The following PTPRM variants were observed in gnomAD, a reference collection of about 807,000 sequenced individuals.
PTPRM encodes the protein receptor-type tyrosine-protein phosphatase mu.
A neutral mutation model predicts 186.7 loss-of-function variants in PTPRM; 47 were observed. That is an observed-to-expected ratio of 0.25 (90% CI 0.20 to 0.32). The LOEUF (loss-of-function observed/expected upper bound fraction) is 0.32. Among genes scored for constraint, PTPRM ranks in the 10% least tolerant of loss-of-function variants. The pLI is 1.00. For synonymous variants in PTPRM, 668 were observed against 674.9 expected, an observed-to-expected ratio of 0.99 and a Z score of 0.16; for missense variants, 1,494 against 1,865.0, an observed-to-expected ratio of 0.80 and a Z score of 3.66.
At chr18:8,211,939 T>C (rs1383759895) in intron 14 of PTPRM, among the ~76,000 whole-genome samples, 1 of 150,842 alleles carries the variant, frequency 6.6e-6, no homozygotes, top group Non-Finnish European at 1.5e-5. Context: ...CAGAGGGGAG[T>C]GGACTCGGTG....
At chr18:8,394,444 C>A in intron 31 of PTPRM, 32 bp from the exon 32 acceptor site, 1 of 1,590,196 alleles carries the variant, frequency 6.3e-7, no homozygotes, top group Non-Finnish European at 8.6e-7. Flanking sequence ...AAAGACAGAC[C>A]GAGTGCAGTC....
Position 7,774,257 on chromosome 18 carries a change from C to T in PTPRM, c.182C>T (p.Pro61Leu). The T allele has an allele frequency of 1.9e-6, 3 of 1,613,932 alleles. No individual in the cohort carries two copies. Among genetic ancestry groups the T allele is most frequent in the Non-Finnish European group, 2.5e-6 (3 of 1,179,916 alleles). The change falls in exon 2 of 33, where the codon CCA (proline) becomes CTA (leucine). Residue 61 changes from proline to leucine, a missense_variant. Physicochemically the swap from Pro to Leu is moderately conservative, Grantham distance 98. This residue lies in a region of PTPRM where 296 missense variants were observed against 345.5 expected (regional missense o/e 0.86). Transcript: ENST00000580170. ...VNTLTKPTSD[P>L]WMPSGSFMLV... ...ACCTTGACTAAACCGACTTCTGATC[C>T]ATGGATGCCATCAGGTTTGCTTTTA...
intron 14 of PTPRM, among the ~76,000 whole-genome samples, chr18:8,145,258 G>A (rs2092854684): frequency 6.6e-6 from 1 of 152,152 alleles, no homozygotes; most frequent in Non-Finnish European, 1.5e-5. Flanking sequence ...CCAAAATGTG[G>A]AACATAGGAA....
intron 14 of PTPRM, among the ~76,000 whole-genome samples, chr18:8,171,107 T>G (rs1377847973): frequency 6.6e-6 from 1 of 152,194 alleles, no homozygotes; most frequent in Non-Finnish European, 1.5e-5. Context: ...CAAGGAAAGA[T>G]TCTACATTAG....
intron 19 of PTPRM, among the ~76,000 whole-genome samples, chr18:8,256,560 C>T (rs917283944): frequency 5.3e-5 from 8 of 152,266 alleles, no homozygotes; most frequent in South Asian, 2.1e-4. Flanking sequence ...AGGGAAACTT[C>T]GTTATACTGA....
chr18:7,785,155 C>T (rs1206854809), intron 2 of PTPRM, among the ~76,000 whole-genome samples: 4 of 151,880 alleles, frequency 2.6e-5, no homozygotes, highest in South Asian at 2.1e-4. Context: ...CAGACATAGG[C>T]GATGAGCTGG....
At chr18:7,650,417 T>G (rs2038669505) in intron 1 of PTPRM, among the ~76,000 whole-genome samples, 1 of 145,238 alleles carries the variant, frequency 6.9e-6, no homozygotes, top group Admixed American at 7.0e-5. Context: ...ATTATATCCC[T>G]CTTGGAAACA....
intron 14 of PTPRM, among the ~76,000 whole-genome samples, chr18:8,231,932 A>G (rs1212059401): frequency 6.6e-6 from 1 of 152,124 alleles, no homozygotes; most frequent in East Asian, 1.9e-4. Context: ...ATTATCACCA[A>G]AGGCTGTAGT....
Position 8,077,784 on chromosome 18 carries a change from G to A in PTPRM, c.1551+1220G>A, listed in dbSNP as rs1376192973. ...ATCAACTTTAATTTCCAAGCCGTAA[G>A]TTCACCTGTCCTAAAAGCCACATGT... On this transcript the variant is annotated intron_variant, in intron 9 of 32. Transcript: ENST00000580170. Among the ~76,000 whole-genome samples the A allele has an allele frequency of 2.6e-5, 4 of 152,186 alleles. No homozygotes were observed. The East Asian group carries it at 7.7e-4, about 29-fold the overall frequency.
At chr18:7,985,372 CGT>C (rs1488552296) in intron 7 of PTPRM, among the ~76,000 whole-genome samples, 23 of 113,234 alleles carry the variant, frequency 2.0e-4, no homozygotes, top group South Asian at 5.7e-4. Context: ...CTGGTATATA[CGT>C]ATATAAATAT....
intron 31 of PTPRM, among the ~76,000 whole-genome samples, chr18:8,387,670 G>C (rs1449146046): frequency 6.6e-6 from 1 of 152,146 alleles, no homozygotes; most frequent in African/African-American, 2.4e-5. Context: ...CCAGCCAAAG[G>C]CCAGTTTACC....
chr18:7,603,281 A>G (rs1384965361), intron 1 of PTPRM, among the ~76,000 whole-genome samples: 1 of 152,210 alleles, frequency 6.6e-6, no homozygotes, highest in African/African-American at 2.4e-5. Context: ...TATGGTAAAT[A>G]AGTAATTGGA....
intron 19 of PTPRM, among the ~76,000 whole-genome samples, chr18:8,271,142 C>T (rs2094766929): frequency 6.6e-6 from 1 of 151,968 alleles, no homozygotes; most frequent in South Asian, 2.1e-4. Context: ...AATAGCTTGT[C>T]AGTTATGATT....
intron 7 of PTPRM, among the ~76,000 whole-genome samples, chr18:7,985,049 T>C: frequency 7.9e-6 from 1 of 126,502 alleles, no homozygotes. Context: ...ATACATATAA[T>C]TATATATACA....
intron 1 of PTPRM, among the ~76,000 whole-genome samples, chr18:7,682,837 T>TG (rs556446457): frequency 1.1e-4 from 16 of 152,162 alleles, no homozygotes; most frequent in East Asian, 3.9e-4. Context: ...TCTTGGGCAT[T>TG]GGGGGGGTGC....
intron 1 of PTPRM, among the ~76,000 whole-genome samples, chr18:7,708,078 T>C (rs757661022): frequency 3.3e-5 from 5 of 152,232 alleles, no homozygotes; most frequent in African/African-American, 7.2e-5. Context: ...GGCTCTTTCA[T>C]TGGCTTTTAG....
chr18:8,156,884 A>G (rs532831756), intron 14 of PTPRM, among the ~76,000 whole-genome samples: 56 of 152,210 alleles, frequency 3.7e-4, no homozygotes, highest in South Asian at 2.7e-3. Flanking sequence ...AATTCTTTTG[A>G]ATAGCTGTAT....
At chr18:8,327,045 C>A (rs916269071) in intron 22 of PTPRM, among the ~76,000 whole-genome samples, 1 of 152,128 alleles carries the variant, frequency 6.6e-6, no homozygotes, top group Admixed American at 6.6e-5. Flanking sequence ...TATGTAAACC[C>A]CTAAATAGCT....
At chr18:8,367,311 C>T (rs1399603730) in intron 23 of PTPRM, among the ~76,000 whole-genome samples, 1 of 152,214 alleles carries the variant, frequency 6.6e-6, no homozygotes, top group Admixed American at 6.5e-5. Flanking sequence ...GTTCTGGGCC[C>T]GCCCCGCCAG....
Sources: allele counts gnomAD v4.1 joint callset (sites outside exome capture counted in the v4.1 genomes callset), GRCh38; gene constraint gnomAD v4.1.1; regional missense constraint gnomAD v4.1.1; transcripts MANE v1.5; gene names NCBI Gene and HGNC (gene_info 2026-07-23, HGNC 2026-07-21).